Variants in STK32A observed in about 807,000 individuals in gnomAD.
The protein encoded by STK32A is serine/threonine kinase 32A.
Under a neutral mutation model 53.2 loss-of-function variants are expected in STK32A, and 41 were observed. That is an observed-to-expected ratio of 0.77 (90% CI 0.60 to 1.00). The LOEUF (loss-of-function observed/expected upper bound fraction) is 1.00. STK32A is among the 50% of genes least tolerant of loss of function. The pLI, the probability that STK32A is intolerant of heterozygous loss-of-function variation, is 0.00. For synonymous variants in STK32A, 166 were observed against 162.8 expected (o/e 1.02, Z -0.15); for missense variants, 458 against 485.8 (o/e 0.94, Z 0.54).
intron 5 of STK32A, among the ~76,000 whole-genome samples, chr5:147,338,500 TAC>T (rs1755249431): frequency 1.3e-5 from 2 of 152,132 alleles, no homozygotes; most frequent in Non-Finnish European, 2.9e-5. Context: ...GCTGTAAAGA[TAC>T]CCAAAAATGT....
intron 4 of STK32A, among the ~76,000 whole-genome samples, chr5:147,313,527 C>A (rs1189660687): frequency 6.6e-6 from 1 of 152,202 alleles, no homozygotes; most frequent in Non-Finnish European, 1.5e-5. Flanking sequence ...CCATCAAAAT[C>A]TCAGCTGGCT....
chr5:147,246,537 A>C (rs186374840), intron 2 of STK32A, among the ~76,000 whole-genome samples: 198 of 152,360 alleles, frequency 1.3e-3, no homozygotes, highest in African/African-American at 4.4e-3. Flanking sequence ...TTCAAAATGA[A>C]ATAATTTTTG....
At chr5:147,251,822 A>G (rs1211511076) in intron 2 of STK32A, among the ~76,000 whole-genome samples, 1 of 152,202 alleles carries the variant, frequency 6.6e-6, no homozygotes, top group Non-Finnish European at 1.5e-5. Context: ...CATCCAGTTC[A>G]GCACCACTCT....
At chr5:147,255,762 T>G (rs1754206096) in intron 2 of STK32A, among the ~76,000 whole-genome samples, 1 of 152,236 alleles carries the variant, frequency 6.6e-6, no homozygotes, top group Admixed American at 6.5e-5. Context: ...GCATCTCTAG[T>G]GTAGTTAATA....
chr5:147,255,679 C>T (rs1332962108), intron 2 of STK32A, among the ~76,000 whole-genome samples: 1 of 152,198 alleles, frequency 6.6e-6, no homozygotes, highest in Non-Finnish European at 1.5e-5. Flanking sequence ...CTGCTACTAT[C>T]ATGTCTAAGG....
intron 8 of STK32A, among the ~76,000 whole-genome samples, chr5:147,362,340 T>C (rs114068803): frequency 5.3e-4 from 80 of 152,324 alleles, no homozygotes; most frequent in African/African-American, 1.9e-3. Context: ...CCAGAATGGT[T>C]GGGTTATGGT....
intron 2 of STK32A, among the ~76,000 whole-genome samples, chr5:147,277,629 A>G (rs1581029257): frequency 1.3e-5 from 2 of 152,326 alleles, no homozygotes; most frequent in South Asian, 4.1e-4. Context: ...AGGCAAGGAG[A>G]ACATTTTAAA....
chr5:147,309,084 TGTA>T (rs2151969962), intron 4 of STK32A, among the ~76,000 whole-genome samples: 1 of 152,104 alleles, frequency 6.6e-6, no homozygotes, highest in East Asian at 1.9e-4. Flanking sequence ...AAATTGGTAA[TGTA>T]GTAAAGAGCG....
rs532058163 is a variant in STK32A, at chr5:147,241,894, A to T, written c.52+2208A>T. Among the ~76,000 whole-genome samples, 3 of 152,338 alleles carry T rather than the reference A, an allele frequency of 2.0e-5. No homozygotes were observed. In the South Asian group the frequency reaches 6.2e-4, roughly 32 times the overall value. On this transcript the variant is annotated intron_variant, in intron 2 of 12. Coordinates refer to ENST00000397936, the MANE Select transcript of STK32A (RefSeq NM_001112724.2). ...GCATACTTTTAACTTGCTGGGCTACATTTGAAGGTAGTAGAATAGCATTAT... is the reference window on the plus strand; with the variant it reads ...GCATACTTTTAACTTGCTGGGCTACTTTTGAAGGTAGTAGAATAGCATTAT...
chr5:147,280,048 T>G (rs1327982820), intron 4 of STK32A, among the ~76,000 whole-genome samples: 4 of 152,088 alleles, frequency 2.6e-5, no homozygotes. Context: ...TACCTGGAGC[T>G]GAGTGGACTT....
intron 8 of STK32A, among the ~76,000 whole-genome samples, chr5:147,366,525 T>C (rs77853489): frequency 0.028 from 4,306 of 152,244 alleles, 245 homozygotes; most frequent in African/African-American, 0.099. Context: ...TATGACAAAA[T>C]AGCACTTTCT....
At chr5:147,240,798 G>A (rs1048958947) in intron 2 of STK32A, among the ~76,000 whole-genome samples, 1 of 152,192 alleles carries the variant, frequency 6.6e-6, no homozygotes, top group African/African-American at 2.4e-5. Context: ...GGTGATGTGT[G>A]GTTCCAGCAG....
At chr5:147,397,202 CTG>C in the STK32A span, among the ~76,000 whole-genome samples, 11 of 142,770 alleles carry the variant, frequency 7.7e-5, no homozygotes, top group Non-Finnish European at 1.2e-4. Flanking sequence ...ACACATATCT[CTG>C]TGTGTGTTTA....
chr5:147,304,612 A>T (rs1472039614), intron 4 of STK32A, among the ~76,000 whole-genome samples: 1 of 152,196 alleles, frequency 6.6e-6, no homozygotes, highest in Admixed American at 6.5e-5. Flanking sequence ...GACTAAAGAC[A>T]TTGCTCTCTA....
At chr5:147,291,187 C>T (rs1480699211) in intron 4 of STK32A, among the ~76,000 whole-genome samples, 1 of 152,092 alleles carries the variant, frequency 6.6e-6, no homozygotes, top group Non-Finnish European at 1.5e-5. Context: ...CTCATTTCCC[C>T]CCTTTTCATC....
chr5:147,399,386 A>G, the STK32A span: 1 of 997,816 alleles, frequency 1.0e-6, no homozygotes, highest in South Asian at 1.9e-5. Context: ...CTGGTGAGCT[A>G]CAGAACCTCA....
intron 4 of STK32A, among the ~76,000 whole-genome samples, chr5:147,317,829 G>A (rs1417030776): frequency 6.6e-6 from 1 of 152,062 alleles, no homozygotes; most frequent in African/African-American, 2.4e-5. Context: ...AAATAAAAAA[G>A]ATTGAGGATC....
intron 3 of STK32A, 145 bp downstream of exon 3, chr5:147,278,324 A>C: frequency 1.4e-6 from 1 of 711,418 alleles, no homozygotes; most frequent in Non-Finnish European, 2.4e-6. Flanking sequence ...ATTTTTATAA[A>C]ATTGTCACCA....
chr5:147,278,190 A>G lies in STK32A; in HGVS notation c.108+11A>G. On this transcript the variant is annotated intron_variant, in intron 3 of 12. Coordinates refer to ENST00000397936, the MANE Select transcript of STK32A (RefSeq NM_001112724.2). Reference sequence around the variant, plus strand: ...GGCAGTTTTGGGAAGGTGAGAACAAATTGAAATGATTAACCACCAGCAGGG... The same window carrying G: ...GGCAGTTTTGGGAAGGTGAGAACAAGTTGAAATGATTAACCACCAGCAGGG... The G allele has an allele frequency of 5.0e-6, 8 of 1,588,660 alleles. No individual in the cohort carries two copies. The highest frequency in any genetic ancestry group is 6.9e-6 in the Non-Finnish European group (8 of 1,165,868).
Sources: allele counts gnomAD v4.1 joint callset (sites outside exome capture counted in the v4.1 genomes callset), GRCh38; gene constraint gnomAD v4.1.1; transcripts MANE v1.5; gene names NCBI Gene and HGNC (gene_info 2026-07-23, HGNC 2026-07-21).